GHR: variants seen among roughly 807,000 people sequenced by gnomAD.
GHR encodes GH receptor.
Under a neutral mutation model 67.1 loss-of-function variants are expected in GHR, and 35 were observed. The ratio of observed to expected loss-of-function variants is 0.52; its 90% CI spans 0.40 to 0.69. The LOEUF (loss-of-function observed/expected upper bound fraction) is 0.69, where lower values mean the gene tolerates loss of function less well. GHR is among the 30% of genes least tolerant of loss of function. The pLI is 0.00. For missense variants in GHR, 792 were observed against 764.6 expected (o/e 1.04, Z -0.42); for synonymous variants, 272 against 269.1 (o/e 1.01, Z -0.10).
chr5:42,544,009 T>A (rs1483881212), intron 1 of GHR, among the ~76,000 whole-genome samples: 1 of 152,134 alleles, frequency 6.6e-6, no homozygotes, highest in Non-Finnish European at 1.5e-5. Flanking sequence ...ATTCTGGCAC[T>A]GGTTATTCTT....
intron 3 of GHR, among the ~76,000 whole-genome samples, chr5:42,665,795 C>T (rs1580159749): frequency 6.6e-6 from 1 of 151,930 alleles, no homozygotes; most frequent in East Asian, 1.9e-4. Context: ...ACTCACAGTT[C>T]CACATGGCTG....
At chr5:42,595,222 C>T (rs1451188213) in intron 2 of GHR, among the ~76,000 whole-genome samples, 2 of 152,130 alleles carry the variant, frequency 1.3e-5, no homozygotes, top group Non-Finnish European at 2.9e-5. Context: ...AAGAAGCAGC[C>T]CTATGAAATT....
chr5:42,601,501 TGAC>T (rs910656057), intron 2 of GHR, among the ~76,000 whole-genome samples: 1 of 152,184 alleles, frequency 6.6e-6, no homozygotes, highest in Admixed American at 6.5e-5. Context: ...TTAGAGACCC[TGAC>T]CCAATAATAG....
At chr5:42,515,963 G>A (rs6876736) in intron 1 of GHR, among the ~76,000 whole-genome samples, 24,812 of 152,156 alleles carry the variant, frequency 0.16, 2,242 homozygotes, top group Middle Eastern at 0.26. Context: ...TTTGTGAAAC[G>A]AATAACAATA....
Position 42,653,841 on chromosome 5 carries a change from A to G in GHR, c.136+24738A>G, listed in dbSNP as rs146594151. Reference sequence around the variant, plus strand: ...CTATAAAATTTCCTCTAAGATACGAACTCTGTGTTCTAGTCCAAATCAAGT... The same window carrying G: ...CTATAAAATTTCCTCTAAGATACGAGCTCTGTGTTCTAGTCCAAATCAAGT... On this transcript the variant is annotated intron_variant, in intron 3 of 9. Coordinates refer to ENST00000230882, the MANE Select transcript of GHR (RefSeq NM_000163.5). Among the ~76,000 whole-genome samples the G allele has an allele frequency of 3.4e-4, 51 of 152,036 alleles. No individual in the cohort carries two copies. The East Asian group carries it at 5.6e-3, about 17-fold the overall frequency.
intron 3 of GHR, chr5:42,647,750 C>T (rs1754816194): frequency 7.0e-6 from 3 of 426,300 alleles, no homozygotes; most frequent in South Asian, 3.4e-5. Flanking sequence ...AAAATTAACC[C>T]TGTAGCTTGG....
intron 2 of GHR, among the ~76,000 whole-genome samples, chr5:42,607,620 A>T (rs1453655716): frequency 6.6e-6 from 1 of 152,218 alleles, no homozygotes; most frequent in East Asian, 1.9e-4. Flanking sequence ...TGATGGTAGA[A>T]TTTAGAAAAC....
intron 1 of GHR, among the ~76,000 whole-genome samples, chr5:42,513,696 C>T (rs1364894944): frequency 1.3e-5 from 2 of 151,886 alleles, no homozygotes; most frequent in Non-Finnish European, 2.9e-5. Flanking sequence ...GCAGGAGAAT[C>T]GCTTGAACTC....
intron 1 of GHR, among the ~76,000 whole-genome samples, chr5:42,513,006 TA>T (rs925794852): frequency 6.6e-6 from 1 of 152,102 alleles, no homozygotes; most frequent in African/African-American, 2.4e-5. Flanking sequence ...GTCAGAGAAA[TA>T]AGGTTGAATT....
intron 2 of GHR, among the ~76,000 whole-genome samples, chr5:42,623,180 T>C (rs1040916116): frequency 6.6e-6 from 1 of 152,106 alleles, no homozygotes; most frequent in Non-Finnish European, 1.5e-5. Context: ...TTAAATCTTA[T>C]ATATATATAG....
chr5:42,568,849 A>G (rs560913757), intron 2 of GHR, among the ~76,000 whole-genome samples: 1 of 152,364 alleles, frequency 6.6e-6, no homozygotes, highest in South Asian at 2.1e-4. Flanking sequence ...CAGTGTACTG[A>G]TAATTCTTAA....
chr5:42,610,080 A>G (rs992135298), intron 2 of GHR, among the ~76,000 whole-genome samples: 1 of 152,154 alleles, frequency 6.6e-6, no homozygotes, highest in Non-Finnish European at 1.5e-5. Flanking sequence ...TTTTTTATTC[A>G]TGTGTCATAG....
At chr5:42,511,088 AC>A (rs1272987881) in intron 1 of GHR, among the ~76,000 whole-genome samples, 2 of 152,226 alleles carry the variant, frequency 1.3e-5, no homozygotes, top group Non-Finnish European at 2.9e-5. Context: ...CTGTAATAGA[AC>A]AGACTGCACT....
At chr5:42,591,740 T>C (rs867756149) in intron 2 of GHR, among the ~76,000 whole-genome samples, 1 of 152,028 alleles carries the variant, frequency 6.6e-6, no homozygotes, top group African/African-American at 2.4e-5. Context: ...CTCCTGCCCC[T>C]CCCAAAAGAG....
Position 42,542,263 on chromosome 5 carries a change from T to A in GHR, c.-11-23601T>A, listed in dbSNP as rs1024560628. 2.0e-5 allele frequency among the ~76,000 whole-genome samples: 3 copies of A among 151,998 alleles called. No homozygotes were observed. The East Asian group carries it at 5.8e-4, about 29-fold the overall frequency. On this transcript the variant is annotated intron_variant, in intron 1 of 9. Coordinates refer to ENST00000230882, the MANE Select transcript of GHR (RefSeq NM_000163.5). Reference sequence around the variant, plus strand: ...AAATTAAGACAGTGTGTCAGAGAAGTGGGGAGTGATCCATTGTGGCAAGTG... The same window carrying A: ...AAATTAAGACAGTGTGTCAGAGAAGAGGGGAGTGATCCATTGTGGCAAGTG...
intron 3 of GHR, among the ~76,000 whole-genome samples, chr5:42,686,346 C>G (rs1414351412): frequency 4.4e-5 from 2 of 45,156 alleles, no homozygotes; most frequent in African/African-American, 1.3e-4. Flanking sequence ...TTACTGTAGC[C>G]TTGTAGTATG....
At chr5:42,632,155 A>ACACC (rs1442833174) in intron 3 of GHR, among the ~76,000 whole-genome samples, 1 of 152,082 alleles carries the variant, frequency 6.6e-6, no homozygotes, top group East Asian at 1.9e-4. Context: ...AAGACCCTGA[A>ACACC]CACCCACCCC....
intron 2 of GHR, among the ~76,000 whole-genome samples, chr5:42,606,826 C>G (rs928745267): frequency 2.6e-5 from 4 of 151,998 alleles, no homozygotes; most frequent in African/African-American, 9.7e-5. Context: ...ATCGCCTGTT[C>G]ACTCTGTACT....
intron 1 of GHR, among the ~76,000 whole-genome samples, chr5:42,536,922 C>T (rs1337385710): frequency 6.6e-6 from 1 of 152,080 alleles, no homozygotes; most frequent in African/African-American, 2.4e-5. Flanking sequence ...TTATCCATCT[C>T]TTCTAGGTTT....
Sources: gnomAD v4.1 joint callset for allele counts (sites outside exome capture counted in the v4.1 genomes callset) on GRCh38, gnomAD v4.1.1 for gene constraint, MANE v1.5 for transcripts, NCBI Gene and HGNC (gene_info 2026-07-23, HGNC 2026-07-21) for gene names.